The following CDAN1 variants were observed in gnomAD, a reference collection of about 807,000 sequenced individuals.
CDAN1 encodes the protein codanin 1.
Under a neutral mutation model 139.8 loss-of-function variants are expected in CDAN1, and 107 were observed. The observed-to-expected ratio is 0.77, with a 90% CI of 0.65 to 0.90. CDAN1 has a LOEUF of 0.90. Ranked by LOEUF, CDAN1 falls within the 40% of genes least tolerant of loss-of-function variation. The pLI is 0.00. For missense variants in CDAN1, 1,667 were observed against 1,575.7 expected (o/e 1.06, Z -0.98); for synonymous variants, 776 against 660.6 (o/e 1.17, Z -2.68).
chr15:42,728,774 C>G lies in CDAN1; in HGVS notation c.2682G>C (p.Glu894Asp). The change falls in exon 20 of 28, where the codon GAG becomes GAC. Residue 894 changes from glutamate to aspartate, a missense_variant. Transcript: ENST00000356231. ...TLVADLVRQA[E>D]SLLQEQLVTQ... ...TCACCAGCTGCTCTTGGAGAAGTGA[C>G]TCTGCCTGGCGCACCAGATCTGCCA... is the stretch of plus-strand genomic sequence containing the variant. The G allele has an allele frequency of 6.2e-7, 1 of 1,614,122 alleles. No individual in the cohort carries two copies.
At chr15:42,734,179 G>A (rs2061655724) in intron 7 of CDAN1, 47 bp downstream of exon 7, 8 of 1,613,916 alleles carry the variant, frequency 5.0e-6, no homozygotes, top group Non-Finnish European at 6.8e-6. Context: ...ATGAAAGCTA[G>A]GAAGGGTTAG....
chr15:42,727,522 C>T, intron 23 of CDAN1, 99 bp downstream of exon 23: 1 of 1,161,490 alleles, frequency 8.6e-7, no homozygotes, highest in Non-Finnish European at 1.2e-6. Context: ...CAGACAGCTT[C>T]TACATAAAAA....
At position 42,732,316 on chromosome 15, in the gene CDAN1, C is replaced by G; in HGVS notation, c.1533+17G>C. 1.2e-6 allele frequency: 2 copies of G among 1,612,582 alleles called. No individual in the cohort carries two copies. The highest frequency in any genetic ancestry group is 1.7e-6 in the Non-Finnish European group (2 of 1,178,622). On this transcript the variant is annotated intron_variant, in intron 10 of 27. Transcript: ENST00000356231. Reference sequence around the variant, plus strand: ...CCTGCTGTTTAATGTGGATTAATCTCTTGCTGGGGCTGTTACCTGGAGTAG... The same window carrying G: ...CCTGCTGTTTAATGTGGATTAATCTGTTGCTGGGGCTGTTACCTGGAGTAG...
Position 42,736,582 on chromosome 15 carries a change from G to A in CDAN1, c.289C>T (p.Arg97Cys), listed in dbSNP as rs1286444553. ...GGPPRGSRGA[R>C]SQLFPPTEAQ... ...TCGGTCGGAGGGAAAAGCTGGCTGCGCGCCCCGCGGCTACCCCGCGGCGGG... is the reference window on the plus strand; with the variant it reads ...TCGGTCGGAGGGAAAAGCTGGCTGCACGCCCCGCGGCTACCCCGCGGCGGG... The change falls in exon 2 of 28, where the codon CGC becomes TGC. Residue 97 changes from arginine to cysteine, a missense_variant. This residue lies in a region of CDAN1 where 487 missense variants were observed against 422.2 expected (regional missense o/e 1.15). Transcript: ENST00000356231. 1 of 1,491,204 alleles carries A rather than the reference G, an allele frequency of 6.7e-7. No homozygotes were observed. Among genetic ancestry groups the A allele is most frequent in the Non-Finnish European group, 8.9e-7 (1 of 1,122,068 alleles). 92.4% of individuals were successfully genotyped at this position (1,491,204 alleles called of 1,614,324 possible).
intron 3 of CDAN1, 40 bp downstream of exon 3, chr15:42,735,835 A>T: frequency 1.2e-6 from 2 of 1,609,740 alleles, no homozygotes; most frequent in East Asian, 4.5e-5. Context: ...GATCCCCCAC[A>T]GCGAGGAAAC....
intron 5 of CDAN1, 29 bp from the exon 6 acceptor site, chr15:42,735,207 A>G (rs2061671225): frequency 2.5e-6 from 4 of 1,605,054 alleles, no homozygotes; most frequent in Non-Finnish European, 3.4e-6. Context: ...GCTGTCAGTT[A>G]AGAACGGTCC....
rs941569809 is a variant in CDAN1, at chr15:42,725,015, T to C, written c.3558+129A>G. ...ATAATAACTACTCAAATCGGGACAA[T>C]TTCAGGGTGGCCCTGAAGACTCTTG... On this transcript the variant is annotated intron_variant, in intron 27 of 27. Coordinates refer to ENST00000356231, the MANE Select transcript of CDAN1 (RefSeq NM_138477.4). The C allele has an allele frequency of 6.4e-6, 5 of 776,024 alleles. No homozygotes were observed. In the African/African-American group the frequency reaches 8.6e-5, roughly 13 times the overall value. The allele number at this position is 776,024 out of a possible 1,614,324, so 48.1% of individuals were successfully genotyped here. A position where few individuals can be genotyped will look rare whatever the true frequency, so the allele number is the denominator to read the frequency against.
Position 42,727,684 on chromosome 15 carries a change from C to A in CDAN1, c.3033G>T (p.Arg1011Ser). Reference protein sequence around the residue: ...GPEPAARGERRGCSRACEHHA... With the variant: ...GPEPAARGERSGCSRACEHHA... ...GGTGCTCACAGGCGCGGGAGCAGCC[C>A]CTCCGCTCCCCCCGGGCAGCAGGTT... The change falls in exon 23 of 28, where the codon AGG (arginine) becomes AGT (serine). Residue 1011 changes from arginine (R) to serine (S), a missense_variant. Physicochemically the swap from Arg to Ser is moderately radical, Grantham distance 110 (BLOSUM62 -1). This residue lies in a region of CDAN1 where 936 missense variants were observed against 844.1 expected (regional missense o/e 1.11). Transcript: ENST00000356231. The A allele has an allele frequency of 1.3e-6, 2 of 1,586,956 alleles. No homozygotes were observed. Among genetic ancestry groups the A allele is most frequent in the Non-Finnish European group, 8.6e-7 (1 of 1,163,082 alleles).
intron 23 of CDAN1, 113 bp from the exon 24 acceptor site, chr15:42,726,530 ATATGGTGAG>A (rs1276313179): frequency 1.2e-6 from 1 of 826,304 alleles, no homozygotes; most frequent in Non-Finnish European, 2.0e-6. Context: ...GGGCCCCGGG[ATATGGTGAG>A]TAAAGCCAAG....
At chr15:42,729,505 G>A (rs1173905513) in intron 17 of CDAN1, 63 bp downstream of exon 17, 10 of 1,607,758 alleles carry the variant, frequency 6.2e-6, no homozygotes, top group Non-Finnish European at 8.5e-6. Flanking sequence ...GGGCCAAGGG[G>A]GTGCCTTTTG....
intron 8 of CDAN1, 32 bp from the exon 9 acceptor site, chr15:42,733,218 C>A: frequency 6.4e-7 from 1 of 1,571,734 alleles, no homozygotes; most frequent in Non-Finnish European, 8.8e-7. Flanking sequence ...TCAGCCGAGG[C>A]ACTCACTCCC....
chr15:42,725,970 C>T (rs1332945839), intron 25 of CDAN1, 127 bp downstream of exon 25: 11 of 754,444 alleles, frequency 1.5e-5, no homozygotes, highest in African/African-American at 9.9e-5. Flanking sequence ...AACAAGATTC[C>T]GTCTCAAAAA....
At chr15:42,736,878 C>T in intron 1 of CDAN1, 98 bp from the exon 2 acceptor site, 1 of 1,446,116 alleles carries the variant, frequency 6.9e-7, no homozygotes, top group Non-Finnish European at 9.1e-7. Flanking sequence ...GTGGGCGGCC[C>T]GGGCAGCGGC....
At chr15:42,729,501 A>AG in intron 17 of CDAN1, 67 bp downstream of exon 17, 2 of 1,608,612 alleles carry the variant, frequency 1.2e-6, no homozygotes, top group Non-Finnish European at 1.7e-6. Context: ...AGCTGGGCCA[A>AG]GGGGGTGCCT....
At chr15:42,728,934 C>CCTCTGGCTGA in intron 19 of CDAN1, 89 bp downstream of exon 19, 1 of 1,574,196 alleles carries the variant, frequency 6.4e-7, no homozygotes, top group Admixed American at 1.7e-5. Flanking sequence ...CCACACCCAC[C>CCTCTGGCTGA]CTCTGGCTGA....
At position 42,736,333 on chromosome 15, in the gene CDAN1, G is replaced by A; in HGVS notation, c.538C>T (p.Pro180Ser). 3.1e-6 allele frequency: 5 copies of A among 1,613,930 alleles called. No individual in the cohort carries two copies. The highest frequency in any genetic ancestry group is 3.4e-6 in the Non-Finnish European group (4 of 1,180,010). ...PNLSNLEEFP[P>S]VGSVPPGPTG... ...GGGCCGGGGGGAACCGAGCCTACGG[G>A]AGGGAACTCCTCCAGGTTGCTGAGG... The change falls in exon 2 of 28, where the codon CCC becomes TCC. Residue 180 changes from proline (P) to serine (S), a missense_variant. Coordinates refer to ENST00000356231, the MANE Select transcript of CDAN1 (RefSeq NM_138477.4).
chr15:42,729,178 G>GCCCCCCACCCCC, intron 18 of CDAN1, 51 bp downstream of exon 18: 9 of 1,027,876 alleles, frequency 8.8e-6, no homozygotes, highest in Non-Finnish European at 1.2e-5. Context: ...CCCTGTCCCC[G>GCCCCCCACCCCC]CCCCCAACCC....
chr15:42,736,318 G>C lies in CDAN1; in HGVS notation c.553C>G (p.Pro185Ala). 6.2e-7 allele frequency: 1 copy of C among 1,613,684 alleles called. No homozygotes were observed. The highest frequency in any genetic ancestry group is 2.2e-5 in the East Asian group (1 of 44,834). The change falls in exon 2 of 28, where the codon CCC becomes GCC. Residue 185 changes from proline to alanine, a missense_variant. Pro to Ala is a conservative substitution (Grantham distance 27). Around this residue, in one of 3 missense-constraint regions of CDAN1, gnomAD observed 487 missense variants for 422.2 expected, o/e 1.15. Coordinates refer to ENST00000356231, the MANE Select transcript of CDAN1 (RefSeq NM_138477.4). ...LEEFPPVGSV[P>A]PGPTGTKPSR... Reference sequence around the variant, plus strand: ...GAGTCTCACCCTGTAGGGCCGGGGGGAACCGAGCCTACGGGAGGGAACTCC... The same window carrying C: ...GAGTCTCACCCTGTAGGGCCGGGGGCAACCGAGCCTACGGGAGGGAACTCC...
chr15:42,724,322 G>T lies in CDAN1; in HGVS notation c.*169C>A. 2 of 856,732 alleles carry T rather than the reference G, an allele frequency of 2.3e-6. No homozygotes were observed. The highest frequency in any genetic ancestry group is 3.7e-6 in the Non-Finnish European group (2 of 545,598). The allele number at this position is 856,732 out of a possible 1,614,324, so 53.1% of individuals were successfully genotyped here. Reference sequence around the variant, plus strand: ...AATCAGGCCAACTCTCCTTCCTCTAGGATTCGCGTGGTGGGATGCCAGGCA... The same window carrying T: ...AATCAGGCCAACTCTCCTTCCTCTATGATTCGCGTGGTGGGATGCCAGGCA... On this transcript the variant is annotated 3_prime_UTR_variant, in exon 28 of 28. Transcript: ENST00000356231.
Sources: gnomAD v4.1 joint callset for allele counts on GRCh38, gnomAD v4.1.1 for gene constraint, gnomAD v4.1.1 regional missense constraint, MANE v1.5 for transcripts, NCBI Gene and HGNC (gene_info 2026-07-23, HGNC 2026-07-21) for gene names.